The following LIPA variants were observed in gnomAD, a reference collection of about 807,000 sequenced individuals.
LIPA encodes lysosomal acid lipase/cholesteryl ester hydrolase.
Under a neutral mutation model 40.6 loss-of-function variants are expected in LIPA, and 26 were observed. The observed-to-expected ratio is 0.64, with a 90% CI of 0.47 to 0.89. The LOEUF (loss-of-function observed/expected upper bound fraction) is 0.89, where lower values mean the gene tolerates loss of function less well. LIPA is among the 40% of genes least tolerant of loss of function. LIPA has a pLI of 0.00. For missense variants in LIPA, 455 were observed against 479.6 expected (o/e 0.95, Z 0.48); for synonymous variants, 188 against 168.4 (o/e 1.12, Z -0.90).
chr10:89,306,190 A>G (rs748868140), intron 1 of LIPA: 21 of 1,614,060 alleles, frequency 1.3e-5, no homozygotes, highest in Non-Finnish European at 1.8e-5. Flanking sequence ...GTAAAGCTGA[A>G]GAGTTAATCC....
intron 1 of LIPA, among the ~76,000 whole-genome samples, chr10:89,318,789 C>T (rs1297223667): frequency 6.6e-6 from 1 of 152,220 alleles, no homozygotes. Flanking sequence ...TGCACTTATT[C>T]CAAAACTGAC....
chr10:89,270,957 C>G (rs1843262966), intron 1 of LIPA, among the ~76,000 whole-genome samples: 1 of 152,168 alleles, frequency 6.6e-6, no homozygotes, highest in Non-Finnish European at 1.5e-5. Context: ...GGCCCAAGAC[C>G]TGAGCTATGA....
At chr10:89,247,352 G>A (rs1309505043) in intron 2 of LIPA, among the ~76,000 whole-genome samples, 186 bp downstream of exon 2, 1 of 135,368 alleles carries the variant, frequency 7.4e-6, no homozygotes, top group Non-Finnish European at 1.5e-5. Context: ...AGCCTGGGCG[G>A]GCAGGTGACA....
At position 89,336,939 on chromosome 10, in the gene LIPA, G is replaced by C. The variant is rs537708202; in HGVS notation, c.-2+5672C>G. Among the ~76,000 whole-genome samples the C allele has an allele frequency of 7.2e-4, 110 of 152,350 alleles. 1 individual carries two copies. Among genetic ancestry groups the C allele is most frequent in the African/African-American group, 2.6e-3 (108 of 41,578 alleles). ...AATGTAGATAATGGGAACACACTTA[G>C]AGAACTCTTGCAATTTATCCAGCTA... is the stretch of plus-strand genomic sequence containing the variant. On this transcript the variant is annotated intron_variant, in intron 1 of 5. Transcript: ENST00000282673.
intron 1 of LIPA, among the ~76,000 whole-genome samples, chr10:89,331,858 CAAA>C (rs10540155): frequency 0.32 from 25,128 of 79,656 alleles, 2,034 homozygotes; most frequent in African/African-American, 0.33. Context: ...GATCCTGTCT[CAAA>C]AAAAAAAAAA....
At chr10:89,399,914 A>G (rs532624966) in intron 2 of LIPA, among the ~76,000 whole-genome samples, 36 of 152,354 alleles carry the variant, frequency 2.4e-4, no homozygotes, top group African/African-American at 8.7e-4. Flanking sequence ...GGATGCAGCA[A>G]GAAGGAGCCA....
At chr10:89,315,557 C>G (rs1843537045) in intron 1 of LIPA, among the ~76,000 whole-genome samples, 1 of 147,432 alleles carries the variant, frequency 6.8e-6, no homozygotes, top group Non-Finnish European at 1.5e-5. Context: ...ATATTTACAT[C>G]ATGGTTGGGA....
intron 2 of LIPA, among the ~76,000 whole-genome samples, chr10:89,376,639 A>G (rs1259997391): frequency 6.6e-6 from 1 of 152,246 alleles, no homozygotes; most frequent in Non-Finnish European, 1.5e-5. Context: ...CTGAGTGCAG[A>G]CAAAAATACG....
chr10:89,237,329 T>A (rs1243342420), intron 3 of LIPA, among the ~76,000 whole-genome samples: 1 of 152,014 alleles, frequency 6.6e-6, no homozygotes, highest in Non-Finnish European at 1.5e-5. Context: ...TTAAAAACTT[T>A]AAAAATATGT....
chr10:89,403,506 GC>G, intron 2 of LIPA: 1 of 1,612,716 alleles, frequency 6.2e-7, no homozygotes, highest in Non-Finnish European at 8.5e-7. Context: ...AATAGAACAG[GC>G]ATCATTAACA....
intron 5 of LIPA, among the ~76,000 whole-genome samples, chr10:89,225,794 A>T (rs534384096): frequency 1.3e-5 from 2 of 152,262 alleles, no homozygotes; most frequent in African/African-American, 4.8e-5. Flanking sequence ...GAGATAATTG[A>T]ATCACGGAGG....
intron 4 of LIPA, among the ~76,000 whole-genome samples, chr10:89,227,688 T>A (rs1411611970): frequency 1.3e-5 from 2 of 151,962 alleles, no homozygotes; most frequent in Non-Finnish European, 2.9e-5. Context: ...TCTGTGGAGG[T>A]TCCTTCTCTG....
chr10:89,219,245 G>T (rs1198898038), intron 8 of LIPA, among the ~76,000 whole-genome samples: 2 of 151,188 alleles, frequency 1.3e-5, no homozygotes, highest in Non-Finnish European at 2.9e-5. Context: ...ACAGCCCTAG[G>T]AATTCAGAGT....
At chr10:89,414,628 GTC>G (rs1262810704), upstream of LIPA, 6 of 568,558 alleles carry the variant, frequency 1.1e-5, no homozygotes, top group Non-Finnish European at 1.7e-5. Context: ...TGGGGCTGGG[GTC>G]TCTCCTTTAA....
chr10:89,226,118 G>T (rs1842767123), intron 5 of LIPA, among the ~76,000 whole-genome samples: 1 of 152,080 alleles, frequency 6.6e-6, no homozygotes, highest in Non-Finnish European at 1.5e-5. Context: ...GAAGCAGTGG[G>T]GCAAAGGTCC....
chr10:89,266,799 A>T (rs1443094415), intron 1 of LIPA, among the ~76,000 whole-genome samples: 1 of 152,258 alleles, frequency 6.6e-6, no homozygotes, highest in Non-Finnish European at 1.5e-5. Flanking sequence ...GTGTTCTGTG[A>T]CTTAATGTCT....
At chr10:89,271,223 TG>T (rs1812638351) in intron 1 of LIPA, among the ~76,000 whole-genome samples, 1 of 152,198 alleles carries the variant, frequency 6.6e-6, no homozygotes, top group Non-Finnish European at 1.5e-5. Context: ...CACAATACAC[TG>T]GCATCACCCA....
chr10:89,409,401 G>A (rs1053010029), intron 2 of LIPA, among the ~76,000 whole-genome samples: 1 of 152,174 alleles, frequency 6.6e-6, no homozygotes, highest in African/African-American at 2.4e-5. Context: ...TGTTATCAGT[G>A]TGGTTTACAA....
At chr10:89,403,225 A>C (rs1844468770) in intron 2 of LIPA, 7 of 1,614,222 alleles carry the variant, frequency 4.3e-6, no homozygotes, top group Non-Finnish European at 5.1e-6. Flanking sequence ...AACAGAGAAA[A>C]GCTAGACAAA....
Sources: gnomAD v4.1 joint callset for allele counts (sites outside exome capture counted in the v4.1 genomes callset) on GRCh38, gnomAD v4.1.1 for gene constraint, MANE v1.5 for transcripts, NCBI Gene and HGNC (gene_info 2026-07-23, HGNC 2026-07-21) for gene names.